SLC6A11: variants seen among roughly 807,000 people sequenced by gnomAD.
The protein encoded by SLC6A11 is sodium- and chloride-dependent GABA transporter 3.
Under a neutral mutation model 74.8 loss-of-function variants are expected in SLC6A11, and 25 were observed. That is an observed-to-expected ratio of 0.33 (90% confidence interval 0.24 to 0.47). The LOEUF is 0.47. SLC6A11 is among the 20% of genes least tolerant of loss of function. The pLI is 1.00. For missense variants in SLC6A11, 574 were observed against 837.0 expected (o/e 0.69, Z 3.88); for synonymous variants, 330 against 330.2 (o/e 1.00, Z 0.01).
rs2106629448 is a variant in SLC6A11 at position 10,918,787 on chromosome 3, C to A, written c.1120+334C>A. ...CAGAAACCTTTCCCTGGACTCTGTG[C>A]CTCTGCTGTTGTCACTTCCACTCCA... On this transcript the variant is annotated intron_variant, in intron 8 of 13. Coordinates refer to ENST00000254488, the MANE Select transcript of SLC6A11 (RefSeq NM_014229.3). The surrounding 1 kb of genome is among the most constrained non-coding windows in gnomAD (Gnocchi z 4.5). 6.6e-6 allele frequency among the ~76,000 whole-genome samples: 1 copy of A among 152,286 alleles called. No homozygotes were observed. The highest frequency in any genetic ancestry group is 2.1e-4 in the South Asian group (1 of 4,818).
chr3:10,844,099 C>G, intron 4 of SLC6A11, 115 bp from the exon 5 acceptor site: 1 of 1,289,320 alleles, frequency 7.8e-7, no homozygotes, highest in Non-Finnish European at 1.1e-6. Flanking sequence ...ACATTTGGCC[C>G]ACGGTGGACG....
At chr3:10,837,593 A>G (rs1298788144) in intron 4 of SLC6A11, among the ~76,000 whole-genome samples, 3 of 152,226 alleles carry the variant, frequency 2.0e-5, no homozygotes, top group Non-Finnish European at 4.4e-5. Flanking sequence ...AGAGAAGGTC[A>G]GATCAGATTT....
At chr3:10,932,123 C>T (rs146913419) in intron 10 of SLC6A11, among the ~76,000 whole-genome samples, 2 of 152,200 alleles carry the variant, frequency 1.3e-5, no homozygotes, top group African/African-American at 4.8e-5. Flanking sequence ...CTTTAGAGAC[C>T]CCCGCTCTCC....
At chr3:10,846,734 G>A (rs772971866) in intron 5 of SLC6A11, among the ~76,000 whole-genome samples, 5 of 152,122 alleles carry the variant, frequency 3.3e-5, no homozygotes, top group African/African-American at 4.8e-5. Flanking sequence ...TCCACTCCCC[G>A]GCAACTTGCA....
rs1695723161 is a variant in SLC6A11, at chr3:10,933,874, A to G, written c.1475-192A>G. On this transcript the variant is annotated intron_variant, in intron 11 of 13. Transcript: ENST00000254488. ...GAGCTCTCTCCAGTAGTGGGCCAGC[A>G]TCCCTCCTGCTGCTCTTTATTCTGA... 1.0e-5 allele frequency: 5 copies of G among 491,620 alleles called. No homozygotes were observed. The South Asian group carries it at 1.2e-4, about 12-fold the overall frequency. The allele number at this position is 491,620 out of a possible 1,614,324, so 30.5% of individuals were successfully genotyped here.
Position 10,816,264 on chromosome 3 carries a change from C to A in SLC6A11, c.-2C>A. 1 of 1,333,294 alleles carries A rather than the reference C, an allele frequency of 7.5e-7. No individual in the cohort carries two copies. The allele number at this position is 1,333,294 out of a possible 1,614,324, so 82.6% of individuals were successfully genotyped here. On this transcript the variant is annotated 5_prime_UTR_variant, in exon 1 of 14. Transcript: ENST00000254488. This position sits in a 1 kb window ranked among gnomAD's most constrained non-coding sequence, Gnocchi z 4.2. ...CCGGCGCACGAGGCAGCCAGCGCGG[C>A]CATGACGGCGGAGAAGGCGCTGCCC...
chr3:10,898,185 G>T (rs1050330120), intron 6 of SLC6A11, among the ~76,000 whole-genome samples: 2 of 152,184 alleles, frequency 1.3e-5, no homozygotes, highest in Admixed American at 1.3e-4. Flanking sequence ...GCCTGTGATG[G>T]GAGGGGCTGC....
intron 12 of SLC6A11, among the ~76,000 whole-genome samples, 174 bp from the exon 13 acceptor site, chr3:10,934,855 C>T (rs1306732719): frequency 6.6e-6 from 1 of 152,242 alleles, no homozygotes; most frequent in African/African-American, 2.4e-5. Flanking sequence ...CTCTAGCCTG[C>T]TGTGCCTCAA....
At chr3:10,921,194 G>A (rs899946585) in intron 8 of SLC6A11, among the ~76,000 whole-genome samples, 5 of 152,218 alleles carry the variant, frequency 3.3e-5, no homozygotes, top group Non-Finnish European at 1.5e-5. Flanking sequence ...CACTCAGGAT[G>A]CTCTCTTCTA....
At chr3:10,923,305 G>A (rs73121721) in intron 8 of SLC6A11, among the ~76,000 whole-genome samples, 15,432 of 151,024 alleles carry the variant, frequency 0.1, 880 homozygotes, top group South Asian at 0.16. Context: ...CCGGGCTAGG[G>A]CAAGACAAGG....
Position 10,918,252 on chromosome 3 carries a change from G to A in SLC6A11, c.996-77G>A. ...GCCTGCCTCACAGGACAGCCATGGT[G>A]CTCGGGTGGAGAACGTTTGAGCCGT... On this transcript the variant is annotated intron_variant, in intron 7 of 13. Coordinates refer to ENST00000254488, the MANE Select transcript of SLC6A11 (RefSeq NM_014229.3). The surrounding 1 kb of genome is among the most constrained non-coding windows in gnomAD (Gnocchi z 4.5). 1 of 1,453,512 alleles carries A rather than the reference G, an allele frequency of 6.9e-7. No individual in the cohort carries two copies. Among genetic ancestry groups the A allele is most frequent in the Non-Finnish European group, 9.1e-7 (1 of 1,101,322 alleles). 90.0% of individuals were successfully genotyped at this position (1,453,512 alleles called of 1,614,324 possible). A position where few individuals can be genotyped will look rare whatever the true frequency, so the allele number is the denominator to read the frequency against.
intron 6 of SLC6A11, among the ~76,000 whole-genome samples, chr3:10,886,446 G>C (rs563811352): frequency 2.6e-5 from 4 of 152,298 alleles, no homozygotes; most frequent in Non-Finnish European, 5.9e-5. Context: ...TATTCCTGTG[G>C]CTGGCTCCCT....
chr3:10,896,257 T>A (rs1317406414), intron 6 of SLC6A11, among the ~76,000 whole-genome samples: 2 of 152,220 alleles, frequency 1.3e-5, no homozygotes, highest in African/African-American at 4.8e-5. Context: ...TTTTCTTCTC[T>A]TACCCCAAGT....
Position 10,938,683 on chromosome 3 carries a change from G to A in SLC6A11, c.*281G>A, listed in dbSNP as rs533922639. 1.8e-4 allele frequency: 51 copies of A among 281,924 alleles called. No individual in the cohort carries two copies. The East Asian group carries it at 2.9e-3, about 16-fold the overall frequency. 17.5% of individuals were successfully genotyped at this position (281,924 alleles called of 1,614,324 possible). On this transcript the variant is annotated 3_prime_UTR_variant, in exon 14 of 14. Transcript: ENST00000254488. ...TTTAATCAATGTTTTCTAGGGATTA[G>A]GAAGAAGTGTATAATATTGTAAAAC...
intron 5 of SLC6A11, among the ~76,000 whole-genome samples, chr3:10,856,142 G>T (rs1006744675): frequency 2.0e-5 from 3 of 152,324 alleles, no homozygotes; most frequent in South Asian, 4.1e-4. Context: ...CACCCCTGGC[G>T]GTGGCTAAGG....
chr3:10,819,399 A>G (rs1025209381), intron 1 of SLC6A11, 66 bp from the exon 2 acceptor site: 66 of 1,493,896 alleles, frequency 4.4e-5, no homozygotes, highest in Non-Finnish European at 6.0e-5. Context: ...TGTTTATTAA[A>G]GAGTTCTTGA....
chr3:10,825,263 G>A (rs1026665157), intron 4 of SLC6A11: 1 of 152,018 alleles, frequency 6.6e-6, no homozygotes, highest in Non-Finnish European at 1.5e-5. Flanking sequence ...ACAGCACTTG[G>A]TCTGTTCAGT....
At chr3:10,914,416 G>A (rs1048169364) in intron 7 of SLC6A11, among the ~76,000 whole-genome samples, 5 of 152,206 alleles carry the variant, frequency 3.3e-5, no homozygotes, top group African/African-American at 1.2e-4. Context: ...CATGGGAGCT[G>A]CAGACAGCAG....
At chr3:10,903,291 C>CT (rs1349744837) in intron 6 of SLC6A11, among the ~76,000 whole-genome samples, 2 of 152,154 alleles carry the variant, frequency 1.3e-5, no homozygotes, top group Non-Finnish European at 2.9e-5. Flanking sequence ...TCTAGGGTAG[C>CT]TTTTTTCTGT....
Sources: gnomAD v4.1 joint callset for allele counts (sites outside exome capture counted in the v4.1 genomes callset) on GRCh38, gnomAD v4.1.1 for gene constraint, Gnocchi (gnomAD v3.1) non-coding constraint, MANE v1.5 for transcripts, NCBI Gene and HGNC (gene_info 2026-07-23, HGNC 2026-07-21) for gene names.